ZPBP: variants seen among roughly 807,000 people sequenced by gnomAD.
ZPBP encodes zona pellucida binding protein.
In ZPBP, 26 loss-of-function variants were observed where a neutral mutation model predicts 44.8. The ratio of observed to expected loss-of-function variants is 0.58; its 90% CI spans 0.43 to 0.81. The LOEUF is 0.81. Ranked by LOEUF, ZPBP falls within the 30% of genes least tolerant of loss-of-function variation. ZPBP has a pLI of 0.00. For synonymous variants in ZPBP, 174 were observed against 153.2 expected (o/e 1.14, Z -1.00); for missense variants, 409 against 434.0 (o/e 0.94, Z 0.51).
intron 3 of ZPBP, among the ~76,000 whole-genome samples, chr7:50,064,637 T>C (rs1801412790): frequency 6.6e-6 from 1 of 152,188 alleles, no homozygotes; most frequent in South Asian, 2.1e-4. Flanking sequence ...TTTCTCCCAT[T>C]TGCTTTTGAA....
At chr7:50,065,864 C>A (rs1801477275) in intron 3 of ZPBP, among the ~76,000 whole-genome samples, 1 of 151,018 alleles carries the variant, frequency 6.6e-6, no homozygotes. Flanking sequence ...AACTCCAAGG[C>A]CTGTTCCTTT....
intron 4 of ZPBP, among the ~76,000 whole-genome samples, chr7:50,036,717 GC>G (rs1465865582): frequency 2.6e-5 from 4 of 152,080 alleles, no homozygotes; most frequent in African/African-American, 9.7e-5. Context: ...ATTGTGGGAT[GC>G]AATTATAGTA....
intron 2 of ZPBP, among the ~76,000 whole-genome samples, chr7:49,890,227 T>C (rs1792071375): frequency 6.6e-6 from 1 of 152,310 alleles, no homozygotes; most frequent in Non-Finnish European, 1.5e-5. Flanking sequence ...CCTAATAATT[T>C]TCCCAGGTCA....
intron 1 of ZPBP, chr7:49,918,425 A>G (rs564968057): frequency 6.6e-6 from 1 of 152,220 alleles, no homozygotes; most frequent in Non-Finnish European, 1.5e-5. Context: ...TAGAATATCA[A>G]TCTTGATACT....
At chr7:49,884,778 TA>T (rs1791823429) in intron 2 of ZPBP, among the ~76,000 whole-genome samples, 1 of 151,338 alleles carries the variant, frequency 6.6e-6, no homozygotes, top group South Asian at 2.1e-4. Context: ...GGGAAAAAAA[TA>T]AATAAACCTA....
intron 2 of ZPBP, among the ~76,000 whole-genome samples, chr7:49,875,243 G>A (rs1339581655): frequency 7.3e-5 from 11 of 151,186 alleles, no homozygotes; most frequent in East Asian, 3.9e-4. Context: ...GGTGGCATGC[G>A]CCTTTAGTCC....
intron 3 of ZPBP, among the ~76,000 whole-genome samples, chr7:50,074,703 T>C (rs1292956816): frequency 6.6e-6 from 1 of 151,872 alleles, no homozygotes; most frequent in African/African-American, 2.4e-5. Context: ...AGGGGTCAAT[T>C]CAGCAAGAGA....
At chr7:50,017,662 T>C (rs1248548738) in intron 6 of ZPBP, among the ~76,000 whole-genome samples, 1 of 152,172 alleles carries the variant, frequency 6.6e-6, no homozygotes, top group Non-Finnish European at 1.5e-5. Flanking sequence ...TAAATAATTA[T>C]ATATGTCAAA....
intron 3 of ZPBP, among the ~76,000 whole-genome samples, chr7:50,078,264 G>GATCCTACA (rs1802198173): frequency 6.6e-6 from 1 of 151,600 alleles, no homozygotes; most frequent in Non-Finnish European, 1.5e-5. Flanking sequence ...GGGAGTTTTA[G>GATCCTACA]GGGGAAGTGG....
At chr7:50,092,656 C>G (rs548154909) in intron 1 of ZPBP, among the ~76,000 whole-genome samples, 1 of 152,166 alleles carries the variant, frequency 6.6e-6, no homozygotes, top group East Asian at 1.9e-4. Context: ...TATTTCACAG[C>G]TAAAACCAAT....
intron 2 of ZPBP, among the ~76,000 whole-genome samples, chr7:49,896,101 G>A (rs1288654545): frequency 6.6e-6 from 1 of 152,176 alleles, no homozygotes; most frequent in Non-Finnish European, 1.5e-5. Context: ...AGCACTTTGG[G>A]AGGCCAAAGT....
At chr7:49,850,650 A>G (rs1790140023) in intron 2 of ZPBP, 1 of 152,234 alleles carries the variant, frequency 6.6e-6, no homozygotes, top group Non-Finnish European at 1.5e-5. Context: ...ACTGTTTGTG[A>G]TTAGGAGATG....
At chr7:49,857,503 T>C (rs1371527103) in intron 2 of ZPBP, among the ~76,000 whole-genome samples, 1 of 152,180 alleles carries the variant, frequency 6.6e-6, no homozygotes, top group East Asian at 1.9e-4. Context: ...GGAGTGTAGA[T>C]ATCTTCAAAG....
At chr7:50,045,376 G>T (rs770783367) in intron 4 of ZPBP, among the ~76,000 whole-genome samples, 16 of 152,262 alleles carry the variant, frequency 1.1e-4, no homozygotes, top group Non-Finnish European at 2.1e-4. Context: ...GTTTGCAGAT[G>T]ACATGATTTT....
chr7:50,020,571 G>A (rs912709477), intron 5 of ZPBP, among the ~76,000 whole-genome samples: 12 of 151,850 alleles, frequency 7.9e-5, no homozygotes, highest in African/African-American at 2.2e-4. Flanking sequence ...TAAGCTTCTC[G>A]CACATCCCCT....
chr7:50,007,057 G>A (rs939167957), intron 6 of ZPBP, among the ~76,000 whole-genome samples: 1 of 151,856 alleles, frequency 6.6e-6, no homozygotes, highest in Non-Finnish European at 1.5e-5. Flanking sequence ...GAAGGGAGCT[G>A]TTGTTCCTTC....
intron 2 of ZPBP, among the ~76,000 whole-genome samples, chr7:49,869,840 C>T (rs374017659): frequency 5.9e-5 from 9 of 151,878 alleles, no homozygotes; most frequent in East Asian, 5.8e-4. Flanking sequence ...TAATCCAAAA[C>T]GGGAAGCTTA....
intron 7 of ZPBP, among the ~76,000 whole-genome samples, chr7:49,962,445 T>C (rs1280707782): frequency 2.0e-5 from 3 of 151,760 alleles, no homozygotes; most frequent in East Asian, 1.9e-4. Flanking sequence ...TTCAACCTGA[T>C]TTACGATTAA....
intron 5 of ZPBP, among the ~76,000 whole-genome samples, chr7:50,023,724 T>C (rs1168310238): frequency 1.3e-5 from 2 of 151,928 alleles, no homozygotes; most frequent in Non-Finnish European, 2.9e-5. Context: ...AAAATAACTA[T>C]GAATAACATG....
Sources: allele counts gnomAD v4.1 joint callset (sites outside exome capture counted in the v4.1 genomes callset), GRCh38; gene constraint gnomAD v4.1.1; transcripts MANE v1.5; gene names NCBI Gene and HGNC (gene_info 2026-07-23, HGNC 2026-07-21).